Variants in PTPRD observed in about 807,000 individuals in gnomAD.
PTPRD encodes the protein receptor-type tyrosine-protein phosphatase delta.
PTPRD carries 34 observed loss-of-function variants against 214.5 expected under a neutral mutation model. That is an observed-to-expected ratio of 0.16 (90% CI 0.12 to 0.21). The LOEUF (loss-of-function observed/expected upper bound fraction) is 0.21. Among genes scored for constraint, PTPRD ranks in the 10% least tolerant of loss-of-function variants. The pLI is 1.00. For synonymous variants in PTPRD, 1,128 were observed against 845.7 expected, an observed-to-expected ratio of 1.33 and a Z score of -5.79; for missense variants, 2,545 against 2,398.7, an observed-to-expected ratio of 1.06 and a Z score of -1.27.
chr9:9,539,581 T>G (rs1405533112), intron 8 of PTPRD, among the ~76,000 whole-genome samples: 2 of 151,866 alleles, frequency 1.3e-5, no homozygotes, highest in Non-Finnish European at 2.9e-5. Flanking sequence ...ACACGCTGTC[T>G]TTAACTAAAA....
intron 11 of PTPRD, among the ~76,000 whole-genome samples, chr9:9,002,420 C>T (rs768560034): frequency 4.6e-5 from 7 of 151,960 alleles, no homozygotes; most frequent in Non-Finnish European, 7.4e-5. Flanking sequence ...ATTCAACAGA[C>T]GGATACACCA....
intron 2 of PTPRD, among the ~76,000 whole-genome samples, chr9:10,421,027 G>A (rs967297183): frequency 6.6e-6 from 1 of 151,432 alleles, no homozygotes; most frequent in African/African-American, 2.4e-5. Context: ...GAATTTCTTG[G>A]GCCATACATA....
chr9:9,764,552 G>A (rs960229525), intron 6 of PTPRD, among the ~76,000 whole-genome samples: 2 of 152,048 alleles, frequency 1.3e-5, no homozygotes, highest in East Asian at 3.8e-4. Flanking sequence ...GGATGATTGA[G>A]ATTATTATTA....
chr9:8,382,076 G>A (rs1009555531), intron 37 of PTPRD, among the ~76,000 whole-genome samples: 1 of 152,152 alleles, frequency 6.6e-6, no homozygotes, highest in African/African-American at 2.4e-5. Flanking sequence ...CCCAGCAGTT[G>A]CCTTTGACTC....
intron 4 of PTPRD, among the ~76,000 whole-genome samples, chr9:9,969,775 A>G (rs1195526695): frequency 6.6e-6 from 1 of 152,224 alleles, no homozygotes; most frequent in Non-Finnish European, 1.5e-5. Flanking sequence ...TTAAATATCA[A>G]CTTTGCAATA....
At chr9:10,465,488 A>C (rs910312110) in intron 2 of PTPRD, among the ~76,000 whole-genome samples, 2 of 152,178 alleles carry the variant, frequency 1.3e-5, no homozygotes, top group Non-Finnish European at 2.9e-5. Context: ...GTCATGTGCC[A>C]CATGACATTT....
chr9:8,410,130 A>T (rs1428194575), intron 35 of PTPRD, among the ~76,000 whole-genome samples: 1 of 152,206 alleles, frequency 6.6e-6, no homozygotes, highest in Non-Finnish European at 1.5e-5. Context: ...GTAAATTAAT[A>T]TATGCCCATT....
chr9:10,579,331 T>C (rs1312712391), intron 2 of PTPRD, among the ~76,000 whole-genome samples: 2 of 152,182 alleles, frequency 1.3e-5, no homozygotes, highest in African/African-American at 2.4e-5. Context: ...CAGGTATACA[T>C]GTTTAGCTCC....
At chr9:8,685,571 TAATGTCC>T (rs1477455549) in intron 12 of PTPRD, among the ~76,000 whole-genome samples, 1 of 152,230 alleles carries the variant, frequency 6.6e-6, no homozygotes, top group East Asian at 1.9e-4. Context: ...TGGTTTTATA[TAATGTCC>T]ATCAACTGGT....
intron 10 of PTPRD, among the ~76,000 whole-genome samples, chr9:9,072,971 TGA>T (rs144706979): frequency 0.016 from 2,496 of 152,260 alleles, 82 homozygotes; most frequent in African/African-American, 0.058. Flanking sequence ...ACAGCATATT[TGA>T]GAGAGATTTT....
At chr9:10,187,746 G>A (rs954720295) in intron 3 of PTPRD, among the ~76,000 whole-genome samples, 2 of 152,122 alleles carry the variant, frequency 1.3e-5, no homozygotes, top group Admixed American at 6.5e-5. Flanking sequence ...GGGTTATTCT[G>A]CCACATCTGT....
chr9:10,092,449 G>A (rs2098441711), intron 3 of PTPRD, among the ~76,000 whole-genome samples: 1 of 151,300 alleles, frequency 6.6e-6, no homozygotes, highest in East Asian at 1.9e-4. Context: ...GAGAAAATTT[G>A]GAAATGGTTT....
chr9:10,215,672 A>G (rs1054966850), intron 3 of PTPRD, among the ~76,000 whole-genome samples: 13 of 152,064 alleles, frequency 8.5e-5, no homozygotes, highest in African/African-American at 2.9e-4. Context: ...AGTTTTGCAT[A>G]TGCATATCAA....
intron 5 of PTPRD, among the ~76,000 whole-genome samples, chr9:9,867,549 A>G (rs181898758): frequency 6.6e-6 from 1 of 152,306 alleles, no homozygotes; most frequent in East Asian, 1.9e-4. Context: ...GATTCAAAAT[A>G]ATTTCCTCAT....
intron 2 of PTPRD, among the ~76,000 whole-genome samples, chr9:10,397,007 A>G (rs1279870272): frequency 3.3e-5 from 5 of 152,022 alleles, no homozygotes; most frequent in African/African-American, 9.7e-5. Context: ...GGGAAACTAC[A>G]GGCAGGTGTG....
chr9:8,865,970 A>G (rs918979640), intron 11 of PTPRD, among the ~76,000 whole-genome samples: 1 of 152,200 alleles, frequency 6.6e-6, no homozygotes, highest in African/African-American at 2.4e-5. Flanking sequence ...AAAGAATTTG[A>G]TCAGTTCAGT....
intron 8 of PTPRD, among the ~76,000 whole-genome samples, chr9:9,558,031 C>T (rs946358872): frequency 2.0e-5 from 3 of 152,212 alleles, no homozygotes; most frequent in African/African-American, 7.2e-5. Context: ...CCTTCAGGGT[C>T]AGCAGCTTAA....
At chr9:9,247,210 T>C (rs1227552060) in intron 9 of PTPRD, among the ~76,000 whole-genome samples, 1 of 151,966 alleles carries the variant, frequency 6.6e-6, no homozygotes, top group Non-Finnish European at 1.5e-5. Context: ...TCCTTCCCTA[T>C]ACCTGGGAAG....
intron 35 of PTPRD, among the ~76,000 whole-genome samples, chr9:8,428,016 G>A (rs546033946): frequency 1.3e-5 from 2 of 152,252 alleles, no homozygotes; most frequent in South Asian, 2.1e-4. Context: ...TATGAAGTAA[G>A]TACTATGACT....
Sources: gnomAD v4.1 joint callset for allele counts (sites outside exome capture counted in the v4.1 genomes callset) on GRCh38, gnomAD v4.1.1 for gene constraint, MANE v1.5 for transcripts, NCBI Gene and HGNC (gene_info 2026-07-23, HGNC 2026-07-21) for gene names.